IMMP2L: variants seen among roughly 807,000 people sequenced by gnomAD.
IMMP2L encodes the protein inner mitochondrial membrane peptidase subunit 2.
A neutral mutation model predicts 19.3 loss-of-function variants in IMMP2L; 18 were observed. The observed-to-expected ratio is 0.93, with a 90% CI of 0.64 to 1.38. The LOEUF is 1.38. Ranked by LOEUF, IMMP2L falls within the 40% of genes most tolerant of loss-of-function variation. The pLI is 0.00. For synonymous variants in IMMP2L, 76 were observed against 73.0 expected (o/e 1.04, Z -0.21); for missense variants, 233 against 218.2 (o/e 1.07, Z -0.43).
intron 3 of IMMP2L, among the ~76,000 whole-genome samples, chr7:111,212,953 C>A (rs1433524478): frequency 6.6e-6 from 1 of 152,186 alleles, no homozygotes; most frequent in Non-Finnish European, 1.5e-5. Context: ...AGAGCAGAGG[C>A]TGCCATGACA....
chr7:111,445,814 G>A (rs562710673), intron 3 of IMMP2L, among the ~76,000 whole-genome samples: 1,610 of 152,238 alleles, frequency 0.011, 31 homozygotes, highest in African/African-American at 0.035. Flanking sequence ...TCTCACTAGG[G>A]AGTGCCAGAC....
intron 3 of IMMP2L, among the ~76,000 whole-genome samples, chr7:111,053,355 T>A (rs1174705265): frequency 6.6e-6 from 1 of 152,204 alleles, no homozygotes; most frequent in East Asian, 1.9e-4. Context: ...TTACTAGAGT[T>A]GTAGGCAAGC....
intron 5 of IMMP2L, among the ~76,000 whole-genome samples, chr7:110,739,737 T>C (rs934282018): frequency 1.1e-4 from 16 of 152,146 alleles, no homozygotes; most frequent in South Asian, 2.1e-4. Context: ...CAGAACATTC[T>C]ACCCAACAAC....
At chr7:111,428,678 C>T (rs1003067668) in intron 3 of IMMP2L, among the ~76,000 whole-genome samples, 1 of 151,730 alleles carries the variant, frequency 6.6e-6, no homozygotes, top group African/African-American at 2.4e-5. Flanking sequence ...ACAAAAAGGT[C>T]ACAAAAAGAC....
chr7:110,699,975 C>T (rs938280064), intron 5 of IMMP2L, among the ~76,000 whole-genome samples: 1 of 152,084 alleles, frequency 6.6e-6, no homozygotes, highest in Non-Finnish European at 1.5e-5. Context: ...CTTATACAGT[C>T]CATAGCCCCA....
intron 3 of IMMP2L, among the ~76,000 whole-genome samples, chr7:111,419,190 G>A (rs556610465): frequency 6.6e-6 from 1 of 151,726 alleles, no homozygotes; most frequent in East Asian, 1.9e-4. Context: ...GAATATATTG[G>A]CAGACAAGAC....
chr7:111,064,611 C>T (rs952605748), intron 3 of IMMP2L, among the ~76,000 whole-genome samples: 1 of 152,072 alleles, frequency 6.6e-6, no homozygotes, highest in African/African-American at 2.4e-5. Flanking sequence ...TTCCTGTTCC[C>T]ACAGTATTAT....
At chr7:111,440,787 T>G (rs1837634233) in intron 3 of IMMP2L, among the ~76,000 whole-genome samples, 1 of 151,904 alleles carries the variant, frequency 6.6e-6, no homozygotes, top group Non-Finnish European at 1.5e-5. Flanking sequence ...GGTATCTTCT[T>G]CCTATATAAA....
At chr7:111,159,615 G>A (rs529793602) in intron 3 of IMMP2L, among the ~76,000 whole-genome samples, 41 of 152,202 alleles carry the variant, frequency 2.7e-4, no homozygotes, top group African/African-American at 9.1e-4. Context: ...CTTAAATGGG[G>A]AATAGAAGGC....
intron 5 of IMMP2L, among the ~76,000 whole-genome samples, chr7:110,673,705 T>C (rs1792084657): frequency 6.6e-6 from 1 of 152,148 alleles, no homozygotes; most frequent in Admixed American, 6.5e-5. Flanking sequence ...ATAACAAAAG[T>C]CATCTTTGCT....
chr7:110,732,175 G>T (rs1796314337), intron 5 of IMMP2L, among the ~76,000 whole-genome samples: 1 of 152,046 alleles, frequency 6.6e-6, no homozygotes, highest in Non-Finnish European at 1.5e-5. Flanking sequence ...GGGGGTAGTG[G>T]GTAGAGAGGG....
intron 3 of IMMP2L, among the ~76,000 whole-genome samples, chr7:111,354,917 T>A (rs1473420975): frequency 6.6e-6 from 1 of 151,786 alleles, no homozygotes; most frequent in Non-Finnish European, 1.5e-5. Flanking sequence ...AAAAGTTAAA[T>A]CCCTACCCTA....
At chr7:110,663,966 A>T (rs1020525430) in intron 5 of IMMP2L, among the ~76,000 whole-genome samples, 2 of 152,212 alleles carry the variant, frequency 1.3e-5, no homozygotes, top group African/African-American at 4.8e-5. Flanking sequence ...AAACCATTTG[A>T]AGTAGGTTCT....
chr7:111,454,188 A>G lies in IMMP2L; in HGVS notation c.239+33050T>C, dbSNP rs142128121. Among the ~76,000 whole-genome samples the G allele has an allele frequency of 2.4e-3, 366 of 152,192 alleles. 3 individuals carry two copies. The highest frequency in any genetic ancestry group is 8.4e-3 in the African/African-American group (348 of 41,536). On this transcript the variant is annotated intron_variant, in intron 3 of 5. Transcript: ENST00000405709. ...TGCTTTGTCAGCTAGGCTGGAGTGC[A>G]GTGATGCGATCGCAACTAACTGAAG... is the stretch of plus-strand genomic sequence containing the variant.
In IMMP2L at chr7:111,055,409, A is replaced by C. The variant is rs191856797; in HGVS notation, c.240-91844T>G. Among the ~76,000 whole-genome samples the C allele has an allele frequency of 7.7e-4, 117 of 152,338 alleles. 3 individuals are homozygous for C. The East Asian group carries it at 0.017, about 22-fold the overall frequency. On this transcript the variant is annotated intron_variant, in intron 3 of 5. Coordinates refer to ENST00000405709, the MANE Select transcript of IMMP2L (RefSeq NM_032549.4). Reference sequence around the variant, plus strand: ...TGATGCAGGAAGCCTGCACCTCAGAAGGCAGAGCTCTCATAGCTTGGCTGC... The same window carrying C: ...TGATGCAGGAAGCCTGCACCTCAGACGGCAGAGCTCTCATAGCTTGGCTGC...
intron 3 of IMMP2L, among the ~76,000 whole-genome samples, chr7:111,464,593 G>A (rs1840438431): frequency 1.3e-5 from 2 of 152,080 alleles, no homozygotes; most frequent in African/African-American, 4.8e-5. Flanking sequence ...TATATAAAGT[G>A]CTTAGAACAA....
chr7:111,045,562 C>A (rs1241560842), intron 3 of IMMP2L, among the ~76,000 whole-genome samples: 2 of 152,208 alleles, frequency 1.3e-5, no homozygotes, highest in African/African-American at 4.8e-5. Context: ...TTGACCATCT[C>A]TCTAAACACA....
At position 111,521,401 on chromosome 7, in the gene IMMP2L, C is replaced by A. The variant is rs1266383408; in HGVS notation, c.47G>T (p.Cys16Phe). 1.2e-6 allele frequency: 2 copies of A among 1,613,112 alleles called. No individual in the cohort carries two copies. Among genetic ancestry groups the A allele is most frequent in the Non-Finnish European group, 8.5e-7 (1 of 1,179,340 alleles). ...GWVKRYIKAF[C>F]KGFFVAVPVA... is the part of the protein sequence containing the mutation. ...AGGCACCGCCACAAAGAAGCCTTTA[C>A]AAAAGGCCTTGATGTATCTTTTCAC... is the stretch of plus-strand genomic sequence containing the variant. The change falls in exon 2 of 6, where the codon TGT becomes TTT. Residue 16 changes from cysteine (C) to phenylalanine (F), a missense_variant. Transcript: ENST00000405709.
At chr7:111,223,006 A>T (rs929353515) in intron 3 of IMMP2L, among the ~76,000 whole-genome samples, 8 of 152,064 alleles carry the variant, frequency 5.3e-5, no homozygotes, top group African/African-American at 1.9e-4. Context: ...CATCAGAGTT[A>T]CATATATAAA....
Sources: allele counts gnomAD v4.1 joint callset (sites outside exome capture counted in the v4.1 genomes callset), GRCh38; gene constraint gnomAD v4.1.1; transcripts MANE v1.5; gene names NCBI Gene and HGNC (gene_info 2026-07-23, HGNC 2026-07-21).